The following SLC15A1 variants were observed in gnomAD, a reference collection of about 807,000 sequenced individuals.
The protein encoded by SLC15A1 is Caco-2 oligopeptide transporter.
SLC15A1 carries 83 observed loss-of-function variants against 92.9 expected under a neutral mutation model. That is an observed-to-expected ratio of 0.89 (90% CI 0.75 to 1.07). The LOEUF (loss-of-function observed/expected upper bound fraction) is 1.07. SLC15A1 is among the 50% of genes least tolerant of loss of function. SLC15A1 has a pLI of 0.00. For missense variants in SLC15A1, 857 were observed against 880.1 expected (o/e 0.97, Z 0.33); for synonymous variants, 322 against 318.2 (o/e 1.01, Z -0.13).
intron 18 of SLC15A1, among the ~76,000 whole-genome samples, chr13:98,692,924 G>A (rs2087992115): frequency 6.6e-6 from 1 of 151,388 alleles, no homozygotes; most frequent in African/African-American, 2.4e-5. Flanking sequence ...TTTTTTGTAG[G>A]GACAGGGTTT....
At chr13:98,691,721 C>T (rs986662847) in intron 18 of SLC15A1, among the ~76,000 whole-genome samples, 1 of 152,120 alleles carries the variant, frequency 6.6e-6, no homozygotes, top group Non-Finnish European at 1.5e-5. Context: ...ACATTTTAGC[C>T]CATATGTTGT....
At chr13:98,685,257 C>G (rs2087920793) in intron 22 of SLC15A1, among the ~76,000 whole-genome samples, 1 of 152,160 alleles carries the variant, frequency 6.6e-6, no homozygotes, top group Admixed American at 6.5e-5. Flanking sequence ...AAGCAGTCCC[C>G]ACAAGGGAAA....
intron 1 of SLC15A1, among the ~76,000 whole-genome samples, chr13:98,730,305 C>A (rs1330674562): frequency 6.9e-6 from 1 of 145,316 alleles, no homozygotes; most frequent in Non-Finnish European, 1.5e-5. Flanking sequence ...GGGGAAGGGG[C>A]ATTTTAGATG....
intron 7 of SLC15A1, 116 bp from the exon 8 acceptor site, chr13:98,719,436 A>C: frequency 4.6e-6 from 3 of 657,458 alleles, no homozygotes; most frequent in Admixed American, 2.8e-5. Flanking sequence ...TGTTCTAGAC[A>C]TATCCATTTG....
chr13:98,694,273 A>G (rs1299397491), intron 18 of SLC15A1, among the ~76,000 whole-genome samples: 1 of 152,216 alleles, frequency 6.6e-6, no homozygotes, highest in Non-Finnish European at 1.5e-5. Context: ...ACCTTTGCAT[A>G]GCTGTTTTCA....
chr13:98,745,048 C>T (rs1338869821), intron 1 of SLC15A1, among the ~76,000 whole-genome samples: 8 of 152,166 alleles, frequency 5.3e-5, no homozygotes, highest in East Asian at 1.9e-4. Context: ...TGAAGACTGC[C>T]TGGAAACTTT....
chr13:98,685,482 T>A (rs1349946396), intron 22 of SLC15A1, among the ~76,000 whole-genome samples: 1 of 152,154 alleles, frequency 6.6e-6, no homozygotes, highest in Non-Finnish European at 1.5e-5. Context: ...TAATTTTAGC[T>A]GGAAAATTTA....
Position 98,726,229 on chromosome 13 carries a change from A to G in SLC15A1, c.139T>C (p.Trp47Arg). 1.2e-6 allele frequency: 2 copies of G among 1,614,146 alleles called. No homozygotes were observed. The highest frequency in any genetic ancestry group is 1.7e-6 in the Non-Finnish European group (2 of 1,180,036). ...LILYFTNFIS[W>R]DDNLSTAIYH... Reference sequence around the variant, plus strand: ...ATGGCGGTGGACAGGTTATCATCCCAGCTGATGAAATTTGTGAAGTACAGA... The same window carrying G: ...ATGGCGGTGGACAGGTTATCATCCCGGCTGATGAAATTTGTGAAGTACAGA... Residue 47 changes from tryptophan to arginine, a missense_variant, in exon 4 of 23, where the codon TGG becomes CGG. By Grantham distance (101) the Trp-to-Arg change is moderately radical. Transcript: ENST00000376503.
At chr13:98,691,431 A>G (rs541411026) in intron 18 of SLC15A1, among the ~76,000 whole-genome samples, 1 of 152,300 alleles carries the variant, frequency 6.6e-6, no homozygotes, top group African/African-American at 2.4e-5. Flanking sequence ...CGCTTTCTCT[A>G]TTGTGAATAA....
At chr13:98,732,852 G>C (rs539794917) in intron 1 of SLC15A1, among the ~76,000 whole-genome samples, 1 of 152,262 alleles carries the variant, frequency 6.6e-6, no homozygotes, top group East Asian at 1.9e-4. Context: ...TTCAAGGTGT[G>C]GTGGTCAGAA....
At chr13:98,713,408 ATT>A (rs2088183504) in intron 9 of SLC15A1, among the ~76,000 whole-genome samples, 1 of 152,142 alleles carries the variant, frequency 6.6e-6, no homozygotes, top group Non-Finnish European at 1.5e-5. Flanking sequence ...CTTGATCTGT[ATT>A]TAGGTTTTAT....
At chr13:98,730,576 G>C (rs750595302) in intron 1 of SLC15A1, among the ~76,000 whole-genome samples, 54 of 152,180 alleles carry the variant, frequency 3.5e-4, no homozygotes, top group East Asian at 3.9e-4. Flanking sequence ...CATCTGTTTC[G>C]GGCCAGCCGA....
intron 1 of SLC15A1, among the ~76,000 whole-genome samples, chr13:98,735,961 T>G (rs557001979): frequency 6.6e-6 from 1 of 152,176 alleles, no homozygotes; most frequent in African/African-American, 2.4e-5. Context: ...AAGCTACCAA[T>G]GACTTTCTTC....
At position 98,687,695 on chromosome 13, in the gene SLC15A1, A is replaced by T. The variant is rs1414445673; in HGVS notation, c.1713T>A (p.Phe571Leu). 2 of 1,614,168 alleles carry T rather than the reference A, an allele frequency of 1.2e-6. No homozygotes were observed. Among genetic ancestry groups the T allele is most frequent in the South Asian group, 2.2e-5 (2 of 91,078 alleles). ...TAACTGTGTTGGCTGAAATATCTTC[A>T]AACACCTTCACTTCAGGGCAGCTGT... ...KNDSCPEVKV[F>L]EDISANTVNM... The change falls in exon 21 of 23, where the codon TTT becomes TTA. Residue 571 changes from phenylalanine to leucine, a missense_variant. Physicochemically the swap from Phe to Leu is conservative, Grantham distance 22 (BLOSUM62 0). Coordinates refer to ENST00000376503, the MANE Select transcript of SLC15A1 (RefSeq NM_005073.4).
In SLC15A1 at chr13:98,712,619, G is replaced by C. The variant is rs2088173639; in HGVS notation, c.724-35C>G. 4.0e-6 allele frequency: 6 copies of C among 1,485,254 alleles called. No individual in the cohort carries two copies. The African/African-American group carries it at 5.5e-5, about 14-fold the overall frequency. The allele number at this position is 1,485,254 out of a possible 1,614,324, so 92.0% of individuals were successfully genotyped here. A position where few individuals can be genotyped will look rare whatever the true frequency, so the allele number is the denominator to read the frequency against. On this transcript the variant is annotated intron_variant, in intron 9 of 22. Transcript: ENST00000376503. Reference sequence around the variant, plus strand: ...GGAAGAAAAATCGAATTTCAAAACAGGACCAACAACTTTGTCAGGGAAGCA... The same window carrying C: ...GGAAGAAAAATCGAATTTCAAAACACGACCAACAACTTTGTCAGGGAAGCA...
intron 17 of SLC15A1, among the ~76,000 whole-genome samples, 160 bp downstream of exon 17, chr13:98,704,129 C>CTGACAGG (rs1385118870): frequency 6.6e-6 from 1 of 152,152 alleles, no homozygotes; most frequent in Non-Finnish European, 1.5e-5. Context: ...TATTGGAAGT[C>CTGACAGG]TGACAGGTGT....
In SLC15A1 at chr13:98,686,182, C is replaced by A; in HGVS notation, c.1935+8G>T. The A allele has an allele frequency of 6.2e-7, 1 of 1,602,470 alleles. No homozygotes were observed. Among genetic ancestry groups the A allele is most frequent in the Non-Finnish European group, 8.5e-7 (1 of 1,170,060 alleles). On this transcript the variant is annotated splice_region_variant and intron_variant, in intron 22 of 22. Transcript: ENST00000376503. ...GAGGTATGTGCAATCTCCTCTCCCA[C>A]GCCATACCTGTTTGCTGAACTGGCC...
intron 18 of SLC15A1, among the ~76,000 whole-genome samples, chr13:98,697,655 T>A (rs1593983114): frequency 1.4e-5 from 2 of 141,276 alleles, no homozygotes; most frequent in Admixed American, 7.5e-5. Flanking sequence ...TAGTCAAGCC[T>A]CCAAAGTTAT....
At chr13:98,711,712 C>A in intron 11 of SLC15A1, 142 bp downstream of exon 11, 2 of 603,808 alleles carry the variant, frequency 3.3e-6, no homozygotes, top group East Asian at 2.9e-5. Flanking sequence ...TCAATGTGAT[C>A]TAACAATTAA....
Sources: allele counts gnomAD v4.1 joint callset (sites outside exome capture counted in the v4.1 genomes callset), GRCh38; gene constraint gnomAD v4.1.1; transcripts MANE v1.5; gene names NCBI Gene and HGNC (gene_info 2026-07-23, HGNC 2026-07-21).